The following STAM2 variants were observed in gnomAD, a reference collection of about 807,000 sequenced individuals.
The protein encoded by STAM2 is signal transducing adapter molecule 2.
A neutral mutation model predicts 65.6 loss-of-function variants in STAM2; 51 were observed. The ratio of observed to expected loss-of-function variants is 0.78; its 90% CI spans 0.62 to 0.98. The LOEUF (loss-of-function observed/expected upper bound fraction) is 0.98. Among genes scored for constraint, STAM2 ranks in the 50% least tolerant of loss-of-function variants. The probability of loss-of-function intolerance (pLI) is 0.00; values close to 1 mark genes in which losing one functional copy is unlikely to be tolerated. For missense variants in STAM2, 584 were observed against 617.8 expected (o/e 0.95, Z 0.58); for synonymous variants, 198 against 208.4 (o/e 0.95, Z 0.43).
At position 152,148,311 on chromosome 2, in the gene STAM2, AAAG is replaced by A. The variant is rs1166580797; in HGVS notation, c.126-14_126-12del. 3.0e-5 allele frequency: 47 copies of A among 1,585,602 alleles called. No individual in the cohort carries two copies. Among genetic ancestry groups the A allele is most frequent in the Admixed American group, 7.1e-5 (4 of 56,244 alleles). Reference sequence around the variant, plus strand: ...AGGCAATCTTTCGCTCTAAAAAAAAAAAGAGAGAGAGAGACAGTTAAGTATTTA... The same window carrying A: ...AGGCAATCTTTCGCTCTAAAAAAAAAAGAGAGAGAGACAGTTAAGTATTTA... On this transcript the variant is annotated splice_polypyrimidine_tract_variant and intron_variant, in intron 2 of 13. Coordinates refer to ENST00000263904, the MANE Select transcript of STAM2 (RefSeq NM_005843.6).
intron 5 of STAM2, 28 bp downstream of exon 5, chr2:152,147,134 C>T (rs1689350375): frequency 6.4e-7 from 1 of 1,572,234 alleles, no homozygotes; most frequent in African/African-American, 1.4e-5. Flanking sequence ...ATTATAGGGT[C>T]AACCATGGGT....
intron 1 of STAM2, among the ~76,000 whole-genome samples, chr2:152,169,990 A>AC (rs1301241848): frequency 5.3e-5 from 8 of 151,812 alleles, no homozygotes; most frequent in Admixed American, 3.9e-4. Context: ...GGCATTCACC[A>AC]CCACACTCAG....
In STAM2 at chr2:152,153,885, TACACACACAC is replaced by T. The variant is rs70974824; in HGVS notation, c.41-3666_41-3657del. Among the ~76,000 whole-genome samples the T allele has an allele frequency of 3.4e-4, 49 of 144,952 alleles. No homozygotes were observed. In the East Asian group the frequency reaches 4.1e-3, roughly 12 times the overall value. ...GATGCATATCCTTCCAGACATTACA[TACACACACAC>T]ACACACACACACACACACACACACG... On this transcript the variant is annotated intron_variant, in intron 1 of 13. Transcript: ENST00000263904.
At chr2:152,126,088 T>C (rs1048203799) in intron 12 of STAM2, 138 bp downstream of exon 12, 3 of 720,112 alleles carry the variant, frequency 4.2e-6, no homozygotes, top group Non-Finnish European at 6.1e-6. Flanking sequence ...TTAGCCAATA[T>C]TTACTGAAAC....
At chr2:152,170,852 C>T (rs1051330533) in intron 1 of STAM2, among the ~76,000 whole-genome samples, 1 of 151,946 alleles carries the variant, frequency 6.6e-6, no homozygotes. Flanking sequence ...CAAAATTAGC[C>T]GAGCATGGTG....
rs1003047375 is a variant in STAM2 at position 152,162,466 on chromosome 2, G to C, written c.41-12237C>G. The stretch of plus-strand genomic sequence containing the variant: ...ACGGTGATGCGCACCTGTAGTTCTA[G>C]GTACTCAGAAGGCTGAGGCAGGAGA... On this transcript the variant is annotated intron_variant, in intron 1 of 13. Coordinates refer to ENST00000263904, the MANE Select transcript of STAM2 (RefSeq NM_005843.6). Among the ~76,000 whole-genome samples the C allele has an allele frequency of 5.9e-5, 9 of 152,284 alleles. 1 individual carries two copies. In the South Asian group the frequency reaches 1.7e-3, roughly 28 times the overall value.
Position 152,148,009 on chromosome 2 carries a change from G to A in STAM2, c.300+15C>T. 1 of 1,581,704 alleles carries A rather than the reference G, an allele frequency of 6.3e-7. No individual in the cohort carries two copies. On this transcript the variant is annotated intron_variant, in intron 4 of 13. Transcript: ENST00000263904. ...TTTTTTAATGACTTAAAGTTCTTCT[G>A]TTTTTAAAATTTACCTTATTTTTAA...
intron 8 of STAM2, among the ~76,000 whole-genome samples, chr2:152,133,920 G>A (rs1689108424): frequency 6.6e-6 from 1 of 151,908 alleles, no homozygotes; most frequent in Non-Finnish European, 1.5e-5. Flanking sequence ...ACATCTACGA[G>A]TTCCTTCTAC....
chr2:152,132,722 A>C (rs1054390961), intron 10 of STAM2, among the ~76,000 whole-genome samples: 1 of 152,190 alleles, frequency 6.6e-6, no homozygotes, highest in Admixed American at 6.5e-5. Context: ...AGCATAAAAA[A>C]CACGTTTTAA....
At chr2:152,175,463 G>T in intron 1 of STAM2, 140 bp downstream of exon 1, 1 of 1,124,544 alleles carries the variant, frequency 8.9e-7, no homozygotes, top group Non-Finnish European at 1.3e-6. Flanking sequence ...TCCCAACGTC[G>T]AAGGAGCGGG....
chr2:152,161,963 C>T (rs528977349), intron 1 of STAM2, among the ~76,000 whole-genome samples: 30 of 152,142 alleles, frequency 2.0e-4, no homozygotes, highest in African/African-American at 6.5e-4. Context: ...GCTGGGATTA[C>T]AGGCATGTGC....
chr2:152,173,690 C>T (rs1271187554), intron 1 of STAM2, among the ~76,000 whole-genome samples: 1 of 152,140 alleles, frequency 6.6e-6, no homozygotes, highest in Non-Finnish European at 1.5e-5. Context: ...AGCCGCTGCG[C>T]CTGACCCTTG....
chr2:152,132,217 G>T, intron 10 of STAM2, 49 bp from the exon 11 acceptor site: 1 of 1,455,572 alleles, frequency 6.9e-7, no homozygotes, highest in Non-Finnish European at 9.6e-7. Context: ...TCCAGTTTAA[G>T]CCAATTTCAA....
At chr2:152,136,132 A>AT (rs1334130475) in intron 7 of STAM2, among the ~76,000 whole-genome samples, 2 of 151,196 alleles carry the variant, frequency 1.3e-5, no homozygotes, top group Non-Finnish European at 2.9e-5. Flanking sequence ...GCAATTAATC[A>AT]TTTTTTATTC....
chr2:152,122,824 G>C (rs1158635448), intron 13 of STAM2, among the ~76,000 whole-genome samples: 1 of 152,042 alleles, frequency 6.6e-6, no homozygotes, highest in African/African-American at 2.4e-5. Context: ...CTAGCACTTT[G>C]AGCAGCCACA....
chr2:152,120,351 T>C lies in STAM2; in HGVS notation c.*223A>G. ...AGACAAAACTAACTGAAAGCATCTTTAAGCTGCCTCTGATGAAAAGATTGA... is the reference window on the plus strand; with the variant it reads ...AGACAAAACTAACTGAAAGCATCTTCAAGCTGCCTCTGATGAAAAGATTGA... On this transcript the variant is annotated 3_prime_UTR_variant, in exon 14 of 14. Coordinates refer to ENST00000263904, the MANE Select transcript of STAM2 (RefSeq NM_005843.6). 2 of 526,790 alleles carry C rather than the reference T, an allele frequency of 3.8e-6. No individual in the cohort carries two copies. The highest frequency in any genetic ancestry group is 6.7e-6 in the Non-Finnish European group (2 of 300,428). The allele number at this position is 526,790 out of a possible 1,614,324, so 32.6% of individuals were successfully genotyped here. A position where few individuals can be genotyped will look rare whatever the true frequency, so the allele number is the denominator to read the frequency against.
chr2:152,150,253 A>G (rs779292633), intron 1 of STAM2, 24 bp from the exon 2 acceptor site: 1 of 1,451,848 alleles, frequency 6.9e-7, no homozygotes, highest in South Asian at 1.2e-5. Flanking sequence ...TGGCATACAC[A>G]ACAATGAGGA....
chr2:152,141,248 G>A (rs764238745), intron 7 of STAM2, among the ~76,000 whole-genome samples: 16 of 151,630 alleles, frequency 1.1e-4, no homozygotes, highest in East Asian at 5.9e-4. Flanking sequence ...AAAAATGTGC[G>A]CCTTTGGGCC....
In STAM2 at chr2:152,172,608, C is replaced by T. The variant is rs1689916400; in HGVS notation, c.40+2995G>A. Among the ~76,000 whole-genome samples the T allele has an allele frequency of 2.0e-5, 3 of 152,206 alleles. No individual in the cohort carries two copies. In the South Asian group the frequency reaches 6.2e-4, roughly 32 times the overall value. On this transcript the variant is annotated intron_variant, in intron 1 of 13. Coordinates refer to ENST00000263904, the MANE Select transcript of STAM2 (RefSeq NM_005843.6). ...AGGAGGCTGGGCACAGTGGCTCACG[C>T]CTGTAATCTCAACACTTTGGGAGGC...
Sources: allele counts gnomAD v4.1 joint callset (sites outside exome capture counted in the v4.1 genomes callset), GRCh38; gene constraint gnomAD v4.1.1; transcripts MANE v1.5; gene names NCBI Gene and HGNC (gene_info 2026-07-23, HGNC 2026-07-21).